Variants in GRIP1 observed in about 807,000 individuals in gnomAD.
The protein encoded by GRIP1 is glutamate receptor interacting protein 1, also known as glutamate receptor-interacting protein 1.
A neutral mutation model predicts 129.9 loss-of-function variants in GRIP1; 45 were observed. The ratio of observed to expected loss-of-function variants is 0.35; its 90% CI spans 0.27 to 0.44. GRIP1 has a LOEUF of 0.44. Ranked by LOEUF, GRIP1 falls within the 20% of genes least tolerant of loss-of-function variation. The probability of loss-of-function intolerance (pLI) is 1.00; values close to 1 mark genes in which losing one functional copy is unlikely to be tolerated. For missense variants in GRIP1, 1,196 were observed against 1,396.8 expected (o/e 0.86, Z 2.29); for synonymous variants, 530 against 520.8 (o/e 1.02, Z -0.24).
intron 1 of GRIP1, among the ~76,000 whole-genome samples, chr12:67,037,116 G>A (rs534103760): frequency 6.6e-6 from 1 of 151,984 alleles, no homozygotes; most frequent in East Asian, 1.9e-4. Context: ...TGGATCACGA[G>A]GTCAGATCAA....
chr12:66,805,461 T>C (rs1044966940), upstream of GRIP1, among the ~76,000 whole-genome samples: 1 of 152,164 alleles, frequency 6.6e-6, no homozygotes, highest in African/African-American at 2.4e-5. Context: ...AAAATCTGAT[T>C]TGTTTACAAT....
intron 13 of GRIP1, among the ~76,000 whole-genome samples, chr12:66,443,136 C>T (rs2058515505): frequency 6.6e-6 from 1 of 152,144 alleles, no homozygotes; most frequent in African/African-American, 2.4e-5. Flanking sequence ...ATCCACACAC[C>T]TGTTAGCTAC....
chr12:66,455,798 G>A (rs7961635), intron 10 of GRIP1, among the ~76,000 whole-genome samples: 35,050 of 152,178 alleles, frequency 0.23, 4,529 homozygotes, highest in Middle Eastern at 0.42. Flanking sequence ...AAGAGACTCT[G>A]TGAGAATTGC....
chr12:66,923,735 G>A (rs2041250196), intron 1 of GRIP1, among the ~76,000 whole-genome samples: 1 of 152,114 alleles, frequency 6.6e-6, no homozygotes, highest in Non-Finnish European at 1.5e-5. Flanking sequence ...AGAAATCTTG[G>A]GAAGATCCCT....
chr12:66,756,800 G>C (rs1377875189), intron 1 of GRIP1, among the ~76,000 whole-genome samples: 1 of 152,116 alleles, frequency 6.6e-6, no homozygotes, highest in African/African-American at 2.4e-5. Flanking sequence ...TCAAGAACTT[G>C]TCTGAGACCA....
chr12:66,664,160 TA>T (rs1344750915), intron 1 of GRIP1, among the ~76,000 whole-genome samples: 2 of 151,922 alleles, frequency 1.3e-5, no homozygotes, highest in Admixed American at 6.6e-5. Flanking sequence ...TCTGATGGAG[TA>T]ACTATTCACA....
chr12:66,473,087 T>C (rs1435798011), intron 7 of GRIP1, among the ~76,000 whole-genome samples: 1 of 152,206 alleles, frequency 6.6e-6, no homozygotes. Context: ...CTTGAAATTC[T>C]CACTGCCAGC....
intron 1 of GRIP1, among the ~76,000 whole-genome samples, chr12:66,896,598 T>C (rs1273031114): frequency 6.6e-6 from 1 of 152,170 alleles, no homozygotes; most frequent in Non-Finnish European, 1.5e-5. Flanking sequence ...ATCTGTGATA[T>C]GCTTTTGCAT....
chr12:66,435,094 T>C (rs1201601376), intron 13 of GRIP1, among the ~76,000 whole-genome samples: 2 of 151,950 alleles, frequency 1.3e-5, no homozygotes, highest in African/African-American at 4.8e-5. Flanking sequence ...TTTACGGGCA[T>C]AGCAGAAAAA....
chr12:66,542,546 C>T (rs1371550391), intron 2 of GRIP1, among the ~76,000 whole-genome samples: 2 of 152,106 alleles, frequency 1.3e-5, no homozygotes, highest in African/African-American at 4.8e-5. Flanking sequence ...CAGGATTGAT[C>T]CTCAGAATTT....
At chr12:66,373,336 C>A (rs771347770) in intron 22 of GRIP1, among the ~76,000 whole-genome samples, 1 of 152,142 alleles carries the variant, frequency 6.6e-6, no homozygotes, top group African/African-American at 2.4e-5. Flanking sequence ...TGACCCACCC[C>A]ACTTAGCCTC....
At chr12:66,951,750 G>A (rs2041761623) in intron 1 of GRIP1, among the ~76,000 whole-genome samples, 1 of 152,166 alleles carries the variant, frequency 6.6e-6, no homozygotes, top group African/African-American at 2.4e-5. Context: ...AAGTGGAGAA[G>A]AGACTTGGAC....
intron 1 of GRIP1, among the ~76,000 whole-genome samples, chr12:66,734,482 A>T (rs569117244): frequency 6.6e-6 from 1 of 152,340 alleles, no homozygotes; most frequent in South Asian, 2.1e-4. Flanking sequence ...CTACAGTAAC[A>T]ACAGCTCAGA....
intron 1 of GRIP1, among the ~76,000 whole-genome samples, chr12:66,916,091 T>C (rs1413751941): frequency 6.6e-6 from 1 of 152,250 alleles, no homozygotes; most frequent in Non-Finnish European, 1.5e-5. Flanking sequence ...TGGTGCATAT[T>C]GTGGAGCCTA....
At chr12:66,811,940 T>A (rs2039112210) in intron 1 of GRIP1, among the ~76,000 whole-genome samples, 2 of 152,174 alleles carry the variant, frequency 1.3e-5, no homozygotes, top group South Asian at 4.1e-4. Context: ...GCCATGTGAT[T>A]CATCTTTCCT....
intron 1 of GRIP1, among the ~76,000 whole-genome samples, chr12:66,939,210 G>A (rs2041543237): frequency 6.6e-6 from 1 of 152,106 alleles, no homozygotes; most frequent in African/African-American, 2.4e-5. Flanking sequence ...AATTGGCTGG[G>A]CATGGTGGCT....
rs539624197 is a variant in GRIP1, at chr12:66,917,058, T to C, written c.58+151992A>G. On this transcript the variant is annotated intron_variant, in intron 1 of 1. Coordinates refer to the GRIP1 transcript ENST00000643019. ...TTTTATTATCTATTTTCTGGTGATCTCCAACACATTTCTCAGATTTACTAA... is the reference window on the plus strand; with the variant it reads ...TTTTATTATCTATTTTCTGGTGATCCCCAACACATTTCTCAGATTTACTAA... Among the ~76,000 whole-genome samples, 7 of 152,350 alleles carry C rather than the reference T, an allele frequency of 4.6e-5. No individual in the cohort carries two copies. In the South Asian group the frequency reaches 1.2e-3, roughly 27 times the overall value.
chr12:66,548,772 G>C (rs930623984), intron 2 of GRIP1, among the ~76,000 whole-genome samples: 1 of 152,142 alleles, frequency 6.6e-6, no homozygotes, highest in Non-Finnish European at 1.5e-5. Context: ...TAGAAAACAG[G>C]AAGTTTGTGT....
In GRIP1 at chr12:66,872,626, G is replaced by T. The variant is rs557387583; in HGVS notation, c.58+196424C>A. 3.3e-5 allele frequency among the ~76,000 whole-genome samples: 5 copies of T among 152,056 alleles called. No individual in the cohort carries two copies. In the South Asian group the frequency reaches 8.3e-4, roughly 25 times the overall value. Reference sequence around the variant, plus strand: ...TAAAATATATATAAAAAAACATCTGGTGCTTCAAAGTGACAGTTGCTATAA... The same window carrying T: ...TAAAATATATATAAAAAAACATCTGTTGCTTCAAAGTGACAGTTGCTATAA... On this transcript the variant is annotated intron_variant, in intron 1 of 1. Transcript: ENST00000643019.
Sources: allele counts gnomAD v4.1 joint callset (sites outside exome capture counted in the v4.1 genomes callset), GRCh38; gene constraint gnomAD v4.1.1; transcripts MANE v1.5; gene names NCBI Gene and HGNC (gene_info 2026-07-23, HGNC 2026-07-21).